The following ZNF362 variants were observed in gnomAD, a reference collection of about 807,000 sequenced individuals.
The protein encoded by ZNF362 is rotund homolog.
ZNF362 carries 11 observed loss-of-function variants against 42.9 expected under a neutral mutation model. That is an observed-to-expected ratio of 0.26 (90% confidence interval 0.16 to 0.42). The LOEUF (loss-of-function observed/expected upper bound fraction) is 0.42, where lower values mean the gene tolerates loss of function less well. ZNF362 is among the 20% of genes least tolerant of loss of function. The pLI is 1.00. For missense variants in ZNF362, 362 were observed against 576.2 expected, an observed-to-expected ratio of 0.63 and a Z score of 3.81; for synonymous variants, 255 against 257.3, an observed-to-expected ratio of 0.99 and a Z score of 0.09.
chr1:33,276,497 G>A lies in ZNF362; in HGVS notation c.252G>A (p.Ser84=), dbSNP rs202076798. ...APAESSQAVM[S]LPKLQQVPGL... is the part of the protein sequence containing the mutation. ...CCGAGAGCAGCCAGGCCGTCATGTC[G>A]CTGCCCAAGCTGCAGCAGGTGCCGG... The change falls in exon 4 of 9, where the codon TCG becomes TCA. Residue 84 remains serine (S), a synonymous_variant. Coordinates refer to ENST00000539719, the MANE Select transcript of ZNF362 (RefSeq NM_152493.3). 9.7e-4 allele frequency: 1,527 copies of A among 1,576,072 alleles called. No individual in the cohort carries two copies. The highest frequency in any genetic ancestry group is 1.2e-3 in the Non-Finnish European group (1,409 of 1,165,402).
rs757898106 is a variant in ZNF362 at position 33,280,429 on chromosome 1, G to A, written c.655G>A (p.Glu219Lys). 2 of 1,607,388 alleles carry A rather than the reference G, an allele frequency of 1.2e-6. No individual in the cohort carries two copies. The highest frequency in any genetic ancestry group is 1.7e-5 in the Admixed American group (1 of 59,330). ...VVPYPILASG[E>K]TAKEGKTYRC... The stretch of plus-strand genomic sequence containing the variant: ...CCCCTATCCCATCCTGGCCTCGGGC[G>A]AGACTGCCAAGGAGGGCAAGACGTA... The change falls in exon 5 of 9, where the codon GAG (glutamate) becomes AAG (lysine). Residue 219 changes from glutamate to lysine, a missense_variant. Transcript: ENST00000539719. This position sits in a 1 kb window ranked among gnomAD's most constrained non-coding sequence, Gnocchi z 5.6.
chr1:33,279,386 G>C (rs1645974115), intron 4 of ZNF362, among the ~76,000 whole-genome samples: 1 of 151,940 alleles, frequency 6.6e-6, no homozygotes, highest in Admixed American at 6.6e-5. Context: ...CTTCATTAAG[G>C]CTTTGCAAAT....
At chr1:33,142,020 T>G in the ZNF362 span, 4 of 152,566 alleles carry the variant, frequency 2.6e-5, no homozygotes, top group South Asian at 8.3e-4. Flanking sequence ...ATAGGAAGAT[T>G]GTGTAGAATC....
the ZNF362 span, among the ~76,000 whole-genome samples, chr1:33,234,667 G>C: frequency 6.6e-6 from 1 of 152,186 alleles, no homozygotes; most frequent in Non-Finnish European, 1.5e-5. Context: ...TCTAGGACCA[G>C]CACGGCAGCT....
chr1:33,135,809 T>G, the ZNF362 span, among the ~76,000 whole-genome samples: 9 of 152,232 alleles, frequency 5.9e-5, no homozygotes, highest in African/African-American at 2.4e-5. Context: ...CTCTTTGATA[T>G]AGACCTGGGA....
chr1:33,167,995 A>C, the ZNF362 span, among the ~76,000 whole-genome samples: 1 of 152,230 alleles, frequency 6.6e-6, no homozygotes, highest in Non-Finnish European at 1.5e-5. This position sits in a 1 kb window ranked among gnomAD's most constrained non-coding sequence, Gnocchi z 4.2. Flanking sequence ...GGGAAGACAG[A>C]CAACAAACAA....
chr1:33,129,851 T>G, the ZNF362 span, among the ~76,000 whole-genome samples: 7 of 152,074 alleles, frequency 4.6e-5, no homozygotes, highest in Admixed American at 1.3e-4. This position sits in a 1 kb window ranked among gnomAD's most constrained non-coding sequence, Gnocchi z 4.1. Context: ...GAGGTCAGCT[T>G]TGCACATTAT....
chr1:33,297,294 A>G (rs1027642389), intron 8 of ZNF362, among the ~76,000 whole-genome samples: 7 of 152,108 alleles, frequency 4.6e-5, no homozygotes, highest in African/African-American at 1.2e-4. Context: ...CCATACTCCT[A>G]TTTTTTGAAG....
chr1:33,234,525 C>T, the ZNF362 span, among the ~76,000 whole-genome samples: 37 of 152,292 alleles, frequency 2.4e-4, no homozygotes, highest in Non-Finnish European at 3.4e-4. Context: ...CCAGATCCCC[C>T]GACCATCCAG....
At chr1:33,137,389 A>C in the ZNF362 span, among the ~76,000 whole-genome samples, 1 of 152,230 alleles carries the variant, frequency 6.6e-6, no homozygotes, top group Non-Finnish European at 1.5e-5. Flanking sequence ...AGGACAGCCC[A>C]TAATAATTAT....
chr1:33,209,270 T>G, the ZNF362 span, among the ~76,000 whole-genome samples: 3 of 152,320 alleles, frequency 2.0e-5, no homozygotes, highest in East Asian at 3.9e-4. Context: ...GGGATGAAGC[T>G]GACTTGATCG....
chr1:33,186,472 T>G, the ZNF362 span, among the ~76,000 whole-genome samples: 1 of 151,612 alleles, frequency 6.6e-6, no homozygotes, highest in Non-Finnish European at 1.5e-5. Flanking sequence ...AATCAACAAT[T>G]TATATATTAA....
the ZNF362 span, among the ~76,000 whole-genome samples, chr1:33,128,103 C>T: frequency 1.3e-5 from 2 of 151,702 alleles, no homozygotes; most frequent in Admixed American, 6.6e-5. Context: ...GTAGCTCACA[C>T]CTGTAATCCC....
At chr1:33,229,878 TA>T in the ZNF362 span, among the ~76,000 whole-genome samples, 1 of 152,174 alleles carries the variant, frequency 6.6e-6, no homozygotes, top group Non-Finnish European at 1.5e-5. Context: ...ATTTAAAAAT[TA>T]TTATTTTTAA....
the ZNF362 span, among the ~76,000 whole-genome samples, chr1:33,236,847 G>T: frequency 6.6e-6 from 1 of 151,990 alleles, no homozygotes; most frequent in African/African-American, 2.4e-5. Context: ...GAGGTGGGTA[G>T]ACCCCTTGAG....
the ZNF362 span, among the ~76,000 whole-genome samples, chr1:33,136,694 A>G: frequency 6.6e-6 from 1 of 151,600 alleles, no homozygotes; most frequent in South Asian, 2.1e-4. Context: ...CGGTTCCCCA[A>G]CAACTGTCTA....
the ZNF362 span, among the ~76,000 whole-genome samples, chr1:33,210,446 T>C: frequency 1.2e-4 from 18 of 152,326 alleles, no homozygotes; most frequent in South Asian, 1.2e-3. Context: ...TAGGTCTGCT[T>C]GGTCCAGAGA....
the ZNF362 span, among the ~76,000 whole-genome samples, chr1:33,173,197 C>T: frequency 6.6e-6 from 1 of 152,212 alleles, no homozygotes; most frequent in African/African-American, 2.4e-5. Flanking sequence ...CCAACCCTCC[C>T]TGTGCACTTC....
the ZNF362 span, among the ~76,000 whole-genome samples, chr1:33,139,222 G>T: frequency 2.0e-5 from 3 of 152,264 alleles, no homozygotes; most frequent in Non-Finnish European, 4.4e-5. Flanking sequence ...ATCAGTGAGG[G>T]TCGCTCTGGG....
Sources: allele counts gnomAD v4.1 joint callset (sites outside exome capture counted in the v4.1 genomes callset), GRCh38; gene constraint gnomAD v4.1.1; non-coding constraint Gnocchi (gnomAD v3.1); transcripts MANE v1.5; gene names NCBI Gene and HGNC (gene_info 2026-07-23, HGNC 2026-07-21).